Variants in DESI2 observed in about 807,000 individuals in gnomAD.
DESI2 encodes the protein deubiquitinase DESI2.
DESI2 carries 10 observed loss-of-function variants against 24.1 expected under a neutral mutation model. The observed-to-expected ratio is 0.41, with a 90% CI of 0.26 to 0.70. The LOEUF (loss-of-function observed/expected upper bound fraction) is 0.70, where lower values mean the gene tolerates loss of function less well. DESI2 is among the 30% of genes least tolerant of loss of function. The probability of loss-of-function intolerance (pLI) is 0.29; values close to 1 mark genes in which losing one functional copy is unlikely to be tolerated. For synonymous variants in DESI2, 71 were observed against 87.7 expected (o/e 0.81, Z 1.06); for missense variants, 122 against 234.9 (o/e 0.52, Z 3.14).
Position 244,708,124 on chromosome 1 carries a change from T to C in DESI2, c.*2335T>C, listed in dbSNP as rs1677783124. 1 of 152,240 alleles carries C rather than the reference T, an allele frequency of 6.6e-6. No individual in the cohort carries two copies. The highest frequency in any genetic ancestry group is 2.1e-4 in the South Asian group (1 of 4,834). The allele number at this position is 152,240 out of a possible 1,614,324, so 9.4% of individuals were successfully genotyped here. ...TTTTCTTGCCCTTGGAGAAAAAGAATCATTCTCAACCTGATAATCTGTTAA... is the reference window on the plus strand; with the variant it reads ...TTTTCTTGCCCTTGGAGAAAAAGAACCATTCTCAACCTGATAATCTGTTAA... On this transcript the variant is annotated 3_prime_UTR_variant, in exon 5 of 5. Coordinates refer to ENST00000302550, the MANE Select transcript of DESI2 (RefSeq NM_016076.5).
In DESI2 at chr1:244,663,967, G is replaced by A. The variant is rs1573182988; in HGVS notation, c.42+10612G>A. Among the ~76,000 whole-genome samples, 6 of 144,664 alleles carry A rather than the reference G, an allele frequency of 4.1e-5. No homozygotes were observed. The South Asian group carries it at 6.6e-4, about 16-fold the overall frequency. The allele number at this position is 144,664 out of a possible 152,430, so 94.9% of individuals were successfully genotyped here. A position where few individuals can be genotyped will look rare whatever the true frequency, so the allele number is the denominator to read the frequency against. ...TGGGAGGCGGAGGTTGCAGTGAGCC[G>A]AGATTGCGCCACTGCACGCCAGCCT... On this transcript the variant is annotated intron_variant, in intron 1 of 4. Transcript: ENST00000302550.
chr1:244,693,375 G>A (rs1295719198), intron 4 of DESI2, among the ~76,000 whole-genome samples: 1 of 151,888 alleles, frequency 6.6e-6, no homozygotes, highest in African/African-American at 2.4e-5. Context: ...TGTCCCTGGA[G>A]CCATCTTTTT....
At position 244,660,365 on chromosome 1, in the gene DESI2, A is replaced by G. The variant is rs1675799264; in HGVS notation, c.42+7010A>G. ...GTATTTTTAGTAGAGGCAGGGTTTC[A>G]CCATGTTGGCCACACTGGTCTCAGT... On this transcript the variant is annotated intron_variant, in intron 1 of 4. Coordinates refer to ENST00000302550, the MANE Select transcript of DESI2 (RefSeq NM_016076.5). 2.0e-5 allele frequency among the ~76,000 whole-genome samples: 3 copies of G among 152,114 alleles called. No individual in the cohort carries two copies. In the South Asian group the frequency reaches 6.2e-4, roughly 32 times the overall value.
At chr1:244,684,639 CT>C (rs1676751956) in intron 1 of DESI2, among the ~76,000 whole-genome samples, 2 of 151,420 alleles carry the variant, frequency 1.3e-5, no homozygotes, top group South Asian at 4.2e-4. Flanking sequence ...CAACCTTATT[CT>C]TTTTTTGATT....
intron 1 of DESI2, among the ~76,000 whole-genome samples, chr1:244,664,838 G>C (rs1675988195): frequency 6.6e-6 from 1 of 152,202 alleles, no homozygotes; most frequent in African/African-American, 2.4e-5. Context: ...AAAACTGTTG[G>C]TCTTTTATAA....
rs1677724034 is a variant in DESI2, at chr1:244,706,777, AT to A, written c.*992del. The stretch of plus-strand genomic sequence containing the variant: ...TACCCCAAAAAAGTAGTTCTTTGAT[AT>A]TTTATACTTTTTATGTACCATGTCA... On this transcript the variant is annotated 3_prime_UTR_variant, in exon 5 of 5. Transcript: ENST00000302550. The A allele has an allele frequency of 6.6e-6, 1 of 152,546 alleles. No homozygotes were observed. The highest frequency in any genetic ancestry group is 6.5e-5 in the Admixed American group (1 of 15,274). 9.4% of individuals were successfully genotyped at this position (152,546 alleles called of 1,614,324 possible).
chr1:244,667,794 G>C (rs1412672921), intron 1 of DESI2, among the ~76,000 whole-genome samples: 1 of 152,194 alleles, frequency 6.6e-6, no homozygotes, highest in Non-Finnish European at 1.5e-5. Flanking sequence ...CACCTGACAG[G>C]CTAGGGAGAT....
Position 244,705,844 on chromosome 1 carries a change from G to T in DESI2, c.*55G>T, listed in dbSNP as rs1677677060. 10 of 1,300,652 alleles carry T rather than the reference G, an allele frequency of 7.7e-6. No homozygotes were observed. Among genetic ancestry groups the T allele is most frequent in the Non-Finnish European group, 1.1e-5 (10 of 929,584 alleles). The allele number at this position is 1,300,652 out of a possible 1,614,324, so 80.6% of individuals were successfully genotyped here. On this transcript the variant is annotated 3_prime_UTR_variant, in exon 5 of 5. Transcript: ENST00000302550. Reference sequence around the variant, plus strand: ...TCTCTGGCAGTCGAATATCACTAGAGAAAAGTAAACAGAGAAGCATCCTTT... The same window carrying T: ...TCTCTGGCAGTCGAATATCACTAGATAAAAGTAAACAGAGAAGCATCCTTT...
chr1:244,681,004 A>G (rs1034417922), intron 1 of DESI2, among the ~76,000 whole-genome samples: 2 of 149,212 alleles, frequency 1.3e-5, no homozygotes, highest in African/African-American at 4.9e-5. Flanking sequence ...TTTTTATTCA[A>G]TATGCTATAG....
chr1:244,693,987 C>G (rs191844938), intron 4 of DESI2, among the ~76,000 whole-genome samples: 51 of 152,330 alleles, frequency 3.3e-4, no homozygotes, highest in Admixed American at 2.2e-3. Flanking sequence ...ATATTAGGCA[C>G]TCTAATGAAG....
intron 1 of DESI2, among the ~76,000 whole-genome samples, chr1:244,679,919 C>T (rs1676547474): frequency 6.8e-6 from 1 of 147,248 alleles, no homozygotes; most frequent in Non-Finnish European, 1.5e-5. Flanking sequence ...AACCATAGTG[C>T]TGTTATCACA....
intron 1 of DESI2, among the ~76,000 whole-genome samples, chr1:244,654,731 T>C (rs1675586487): frequency 6.6e-6 from 1 of 152,250 alleles, no homozygotes; most frequent in Non-Finnish European, 1.5e-5. Flanking sequence ...TTAAACTTTT[T>C]GTGTTCAGCT....
intron 3 of DESI2, among the ~76,000 whole-genome samples, chr1:244,691,161 T>C (rs1179155335): frequency 6.6e-6 from 1 of 152,234 alleles, no homozygotes; most frequent in Non-Finnish European, 1.5e-5. Flanking sequence ...CGATCTCGGC[T>C]CACTGCAACC....
At position 244,707,068 on chromosome 1, in the gene DESI2, A is replaced by G. The variant is rs1031739760; in HGVS notation, c.*1279A>G. 6 of 152,608 alleles carry G rather than the reference A, an allele frequency of 3.9e-5. No homozygotes were observed. Among genetic ancestry groups the G allele is most frequent in the Non-Finnish European group, 7.3e-5 (5 of 68,032 alleles). The allele number at this position is 152,608 out of a possible 1,614,324, so 9.5% of individuals were successfully genotyped here. A position where few individuals can be genotyped will look rare whatever the true frequency, so the allele number is the denominator to read the frequency against. ...ACCAAGTCATTACATGTCAAATTCA[A>G]TTTTTCTGCCTTAAGAATGAATGTC... is the stretch of plus-strand genomic sequence containing the variant. On this transcript the variant is annotated 3_prime_UTR_variant, in exon 5 of 5. Coordinates refer to ENST00000302550, the MANE Select transcript of DESI2 (RefSeq NM_016076.5).
intron 4 of DESI2, chr1:244,694,512 T>C: frequency 1.3e-6 from 1 of 773,140 alleles, no homozygotes; most frequent in Non-Finnish European, 2.4e-6. Flanking sequence ...GAATCTGCGG[T>C]CTACAATTTT....
chr1:244,655,869 T>C (rs1034744171), intron 1 of DESI2, among the ~76,000 whole-genome samples: 1 of 152,190 alleles, frequency 6.6e-6, no homozygotes, highest in East Asian at 1.9e-4. Flanking sequence ...AGAACTTCTT[T>C]AGTCAGATGT....
In DESI2 at chr1:244,664,020, G is replaced by GAA. The variant is rs34195856; in HGVS notation, c.42+10688_42+10689dup. 8.1e-3 allele frequency among the ~76,000 whole-genome samples: 719 copies of GAA among 89,062 alleles called. 9 individuals carry two copies. The highest frequency in any genetic ancestry group is 0.011 in the Non-Finnish European group (531 of 47,718). 58.4% of individuals were successfully genotyped at this position (89,062 alleles called of 152,430 possible). ...GCGACAGAGTGAGACTCCGTCTCAGGAAAAAAAAAAAAAAAAAAAAAAAAT... is the reference window on the plus strand; with the variant it reads ...GCGACAGAGTGAGACTCCGTCTCAGGAAAAAAAAAAAAAAAAAAAAAAAAAAT... On this transcript the variant is annotated intron_variant, in intron 1 of 4. Transcript: ENST00000302550.
chr1:244,673,136 C>T (rs1676302450), intron 1 of DESI2, among the ~76,000 whole-genome samples: 1 of 152,108 alleles, frequency 6.6e-6, no homozygotes, highest in Non-Finnish European at 1.5e-5. Flanking sequence ...GCATACTGAC[C>T]TTGAATTAAA....
intron 4 of DESI2, among the ~76,000 whole-genome samples, chr1:244,704,693 C>T (rs1220666542): frequency 1.3e-5 from 2 of 152,172 alleles, no homozygotes; most frequent in Non-Finnish European, 2.9e-5. Context: ...GAGTCTCACT[C>T]TGTTGCCTAG....
Sources: gnomAD v4.1 joint callset for allele counts (sites outside exome capture counted in the v4.1 genomes callset) on GRCh38, gnomAD v4.1.1 for gene constraint, MANE v1.5 for transcripts, NCBI Gene and HGNC (gene_info 2026-07-23, HGNC 2026-07-21) for gene names.